GAREM1: variants seen among roughly 807,000 people sequenced by gnomAD.
The protein encoded by GAREM1 is GRB2 associated regulator of MAPK1 subtype 1.
A neutral mutation model predicts 71.3 loss-of-function variants in GAREM1; 26 were observed. The ratio of observed to expected loss-of-function variants is 0.36; its 90% confidence interval spans 0.27 to 0.51. The LOEUF (loss-of-function observed/expected upper bound fraction) is 0.51, where lower values mean the gene tolerates loss of function less well. GAREM1 is among the 20% of genes least tolerant of loss of function. The pLI is 0.95. For missense variants in GAREM1, 1,026 were observed against 1,103.1 expected, an observed-to-expected ratio of 0.93 and a Z score of 0.99; for synonymous variants, 440 against 433.2, an observed-to-expected ratio of 1.02 and a Z score of -0.20.
At chr18:32,323,212 A>G (rs981171486) in intron 2 of GAREM1, among the ~76,000 whole-genome samples, 6 of 152,234 alleles carry the variant, frequency 3.9e-5, no homozygotes, top group African/African-American at 1.4e-4. Context: ...CATTTCTTAA[A>G]GAGAGTCGGG....
chr18:32,333,402 T>C (rs888525417), intron 2 of GAREM1, among the ~76,000 whole-genome samples: 19 of 152,068 alleles, frequency 1.2e-4, no homozygotes, highest in African/African-American at 4.6e-4. Context: ...TGTCTGGGGC[T>C]ACAGAGGGCC....
At chr18:32,315,483 T>C (rs902997571) in intron 2 of GAREM1, among the ~76,000 whole-genome samples, 36 of 147,166 alleles carry the variant, frequency 2.4e-4, no homozygotes, top group African/African-American at 8.6e-4. Flanking sequence ...TAAAAGTAGA[T>C]ATATATAAAA....
chr18:32,446,902 G>A (rs896692294), intron 1 of GAREM1, among the ~76,000 whole-genome samples: 7 of 152,136 alleles, frequency 4.6e-5, no homozygotes, highest in Non-Finnish European at 7.4e-5. Flanking sequence ...ATCCAGCCGT[G>A]GTGAGTGTCA....
intron 1 of GAREM1, among the ~76,000 whole-genome samples, chr18:32,465,545 G>A (rs976293251): frequency 6.6e-6 from 1 of 152,150 alleles, no homozygotes; most frequent in South Asian, 2.1e-4. Flanking sequence ...CACTGCTCCT[G>A]TTCTACCTAC....
chr18:32,468,002 C>G (rs1047733807), intron 1 of GAREM1, among the ~76,000 whole-genome samples: 4 of 152,194 alleles, frequency 2.6e-5, no homozygotes, highest in African/African-American at 7.2e-5. Flanking sequence ...TTTCCCCAAT[C>G]AAATTAGAAG....
At chr18:32,311,255 C>T (rs2047319357) in intron 2 of GAREM1, among the ~76,000 whole-genome samples, 1 of 152,146 alleles carries the variant, frequency 6.6e-6, no homozygotes, top group Admixed American at 6.5e-5. Flanking sequence ...TGAATCCTGG[C>T]TATAATATAA....
At chr18:32,303,110 T>C (rs1343691949) in intron 3 of GAREM1, among the ~76,000 whole-genome samples, 1 of 152,202 alleles carries the variant, frequency 6.6e-6, no homozygotes, top group East Asian at 1.9e-4. Flanking sequence ...CTTTCTCTAA[T>C]GAAGCCAATG....
chr18:32,444,471 G>A (rs2048768610), intron 1 of GAREM1, among the ~76,000 whole-genome samples: 1 of 152,092 alleles, frequency 6.6e-6, no homozygotes, highest in Admixed American at 6.6e-5. Context: ...AAGGCCTCTG[G>A]TTTCAACGGG....
Position 32,287,740 on chromosome 18 carries a change from A to G in GAREM1, c.857T>C (p.Val286Ala). ...IQTKTVVVCC[V>A]LRNNKILPMH... ...GGGGAGGATCTTGTTGTTCCGCAGC[A>G]CACAGCAAACCACCACCGTCTTGGT... Residue 286 changes from valine (V) to alanine (A), a missense_variant, in exon 4 of 6, where the codon GTG becomes GCG. Physicochemically the swap from Val to Ala is moderately conservative, Grantham distance 64. This residue lies in a region of GAREM1 where 218 missense variants were observed against 296.8 expected (regional missense o/e 0.73). Coordinates refer to ENST00000269209, the MANE Select transcript of GAREM1 (RefSeq NM_001242409.2). This position sits in a 1 kb window ranked among gnomAD's most constrained non-coding sequence, Gnocchi z 5.9. 1 of 1,614,012 alleles carries G rather than the reference A, an allele frequency of 6.2e-7. No individual in the cohort carries two copies. Among genetic ancestry groups the G allele is most frequent in the Admixed American group, 1.7e-5 (1 of 60,004 alleles).
At chr18:32,315,260 T>C (rs985461802) in intron 2 of GAREM1, among the ~76,000 whole-genome samples, 7 of 151,956 alleles carry the variant, frequency 4.6e-5, no homozygotes, top group African/African-American at 1.7e-4. Context: ...ATAGATACAC[T>C]ATAGTGCTAT....
chr18:32,266,523 A>C lies in GAREM1; in HGVS notation c.*1348T>G, dbSNP rs1399642044. 6.6e-6 allele frequency: 1 copy of C among 152,226 alleles called. No individual in the cohort carries two copies. The highest frequency in any genetic ancestry group is 1.5e-5 in the Non-Finnish European group (1 of 68,038). The allele number at this position is 152,226 out of a possible 1,614,324, so 9.4% of individuals were successfully genotyped here. ...AGATGTATATTCTCTAAAAAAGTCAAGAATAATGACGCCATTATATTTTGG... is the reference window on the plus strand; with the variant it reads ...AGATGTATATTCTCTAAAAAAGTCACGAATAATGACGCCATTATATTTTGG... On this transcript the variant is annotated 3_prime_UTR_variant, in exon 6 of 6. Transcript: ENST00000269209.
intron 2 of GAREM1, among the ~76,000 whole-genome samples, chr18:32,363,999 T>C (rs1250873281): frequency 3.0e-5 from 1 of 32,992 alleles, no homozygotes; most frequent in Non-Finnish European, 5.5e-5. Context: ...TATATACATA[T>C]ATATATATAT....
chr18:32,327,994 A>G (rs1459188517), intron 2 of GAREM1, among the ~76,000 whole-genome samples: 2 of 152,210 alleles, frequency 1.3e-5, no homozygotes, highest in African/African-American at 4.8e-5. Context: ...TATGAATATT[A>G]TTTTTTATTA....
rs1275324030 is a variant in GAREM1, at chr18:32,267,594, A to T, written c.*277T>A. The T allele has an allele frequency of 1.3e-5, 4 of 300,938 alleles. No individual in the cohort carries two copies. Among genetic ancestry groups the T allele is most frequent in the African/African-American group, 8.6e-5 (4 of 46,376 alleles). The allele number at this position is 300,938 out of a possible 1,614,324, so 18.6% of individuals were successfully genotyped here. A position where few individuals can be genotyped will look rare whatever the true frequency, so the allele number is the denominator to read the frequency against. On this transcript the variant is annotated 3_prime_UTR_variant, in exon 6 of 6. Transcript: ENST00000269209. ...CTCACATAAACCTACTTGGGTAAGAATGATTTCTCTGCACATGCCTTTTTT... is the reference window on the plus strand; with the variant it reads ...CTCACATAAACCTACTTGGGTAAGATTGATTTCTCTGCACATGCCTTTTTT...
intron 2 of GAREM1, among the ~76,000 whole-genome samples, chr18:32,344,272 A>G (rs1459475011): frequency 6.6e-6 from 1 of 152,136 alleles, no homozygotes; most frequent in Non-Finnish European, 1.5e-5. Context: ...TTCCTGTTGA[A>G]ATCTGGTCCT....
intron 4 of GAREM1, among the ~76,000 whole-genome samples, chr18:32,277,118 A>C (rs1174667525): frequency 6.6e-6 from 1 of 152,194 alleles, no homozygotes; most frequent in Non-Finnish European, 1.5e-5. Context: ...GAGGGGGCAG[A>C]GCCAGACTCT....
At chr18:32,363,691 CAGG>C (rs1404149534) in intron 2 of GAREM1, among the ~76,000 whole-genome samples, 1 of 151,872 alleles carries the variant, frequency 6.6e-6, no homozygotes, top group Non-Finnish European at 1.5e-5. Flanking sequence ...CTCCCTGTTA[CAGG>C]AACACTGGAA....
chr18:32,368,027 C>T (rs1188779379), intron 2 of GAREM1, among the ~76,000 whole-genome samples: 1 of 152,020 alleles, frequency 6.6e-6, no homozygotes, highest in African/African-American at 2.4e-5. Context: ...CCTATCCGTG[C>T]TTACCCCCCT....
At chr18:32,343,033 T>A (rs954195244) in intron 2 of GAREM1, among the ~76,000 whole-genome samples, 5 of 152,248 alleles carry the variant, frequency 3.3e-5, no homozygotes, top group African/African-American at 1.2e-4. Context: ...TCTCCCTGTA[T>A]CTCTGATATT....
Sources: gnomAD v4.1 joint callset for allele counts (sites outside exome capture counted in the v4.1 genomes callset) on GRCh38, gnomAD v4.1.1 for gene constraint, gnomAD v4.1.1 regional missense constraint, Gnocchi (gnomAD v3.1) non-coding constraint, MANE v1.5 for transcripts, NCBI Gene and HGNC (gene_info 2026-07-23, HGNC 2026-07-21) for gene names.